Variants in PTPRD observed in about 807,000 individuals in gnomAD.
The protein encoded by PTPRD is receptor-type tyrosine-protein phosphatase delta.
Under a neutral mutation model 214.5 loss-of-function variants are expected in PTPRD, and 34 were observed. That is an observed-to-expected ratio of 0.16 (90% CI 0.12 to 0.21). The LOEUF (loss-of-function observed/expected upper bound fraction) is 0.21. PTPRD is among the 10% of genes least tolerant of loss of function. The pLI is 1.00. For missense variants in PTPRD, 2,545 were observed against 2,398.7 expected (o/e 1.06, Z -1.27); for synonymous variants, 1,128 against 845.7 (o/e 1.33, Z -5.79).
intron 7 of PTPRD, among the ~76,000 whole-genome samples, chr9:9,629,266 T>A (rs1593488888): frequency 7.4e-6 from 1 of 134,942 alleles, no homozygotes; most frequent in Non-Finnish European, 1.6e-5. Flanking sequence ...ATGAACACTT[T>A]ATGTATGTAT....
intron 11 of PTPRD, among the ~76,000 whole-genome samples, chr9:8,998,055 A>AT (rs2099403773): frequency 6.6e-6 from 1 of 152,084 alleles, no homozygotes; most frequent in Non-Finnish European, 1.5e-5. Context: ...TTAAAAAAAA[A>AT]GCTGTCTCCA....
chr9:10,073,033 T>G lies in PTPRD; in HGVS notation c.-544-39243A>C, dbSNP rs573224077. Among the ~76,000 whole-genome samples, 14 of 152,156 alleles carry G rather than the reference T, an allele frequency of 9.2e-5. No homozygotes were observed. In the South Asian group the frequency reaches 2.9e-3, roughly 32 times the overall value. On this transcript the variant is annotated intron_variant, in intron 3 of 45. Transcript: ENST00000381196. ...CTATTAAGCCATACAAAATATCGAT[T>G]AATACATTTTGCTAAGTGAGCCAAA...
intron 30 of PTPRD, among the ~76,000 whole-genome samples, chr9:8,477,132 A>T (rs1033606213): frequency 1.3e-5 from 2 of 152,116 alleles, no homozygotes; most frequent in Non-Finnish European, 2.9e-5. Context: ...AAAAAAAAAA[A>T]AATAAATTGC....
At chr9:8,364,254 C>T (rs1470291341) in intron 39 of PTPRD, among the ~76,000 whole-genome samples, 1 of 152,170 alleles carries the variant, frequency 6.6e-6, no homozygotes, top group Admixed American at 6.5e-5. Flanking sequence ...ATTTACATTA[C>T]GTTAAGAAAT....
intron 9 of PTPRD, among the ~76,000 whole-genome samples, chr9:9,350,093 G>A (rs1341308811): frequency 6.6e-6 from 1 of 152,054 alleles, no homozygotes; most frequent in Non-Finnish European, 1.5e-5. Context: ...AGAGTGGTCA[G>A]AAATCCTTTG....
chr9:10,237,024 C>T (rs1220594947), intron 3 of PTPRD, among the ~76,000 whole-genome samples: 1 of 151,820 alleles, frequency 6.6e-6, no homozygotes, highest in Admixed American at 6.6e-5. Flanking sequence ...TGTCATTATA[C>T]ATTTGTCCAA....
At chr9:9,973,311 A>C (rs1050210902) in intron 4 of PTPRD, among the ~76,000 whole-genome samples, 2 of 151,622 alleles carry the variant, frequency 1.3e-5, no homozygotes, top group Admixed American at 1.3e-4. Flanking sequence ...CAAAAAAAAA[A>C]AAAAAAAAAA....
chr9:9,937,202 G>A (rs1436913546), intron 5 of PTPRD, among the ~76,000 whole-genome samples: 1 of 151,050 alleles, frequency 6.6e-6, no homozygotes, highest in East Asian at 1.9e-4. Context: ...ATGTGCACAT[G>A]TACCCTAAAA....
At chr9:10,181,155 G>C (rs889426968) in intron 3 of PTPRD, among the ~76,000 whole-genome samples, 1 of 151,950 alleles carries the variant, frequency 6.6e-6, no homozygotes, top group Non-Finnish European at 1.5e-5. Context: ...TTTTTATATA[G>C]ACAATTCAGG....
At chr9:9,540,366 T>C (rs2077334769) in intron 8 of PTPRD, among the ~76,000 whole-genome samples, 1 of 151,808 alleles carries the variant, frequency 6.6e-6, no homozygotes, top group South Asian at 2.1e-4. Context: ...GTGTAGTATG[T>C]GTGTGTATGC....
chr9:9,641,738 G>A (rs1437827731), intron 7 of PTPRD, among the ~76,000 whole-genome samples: 1 of 152,126 alleles, frequency 6.6e-6, no homozygotes, highest in Admixed American at 6.6e-5. Context: ...CTAACTGTGG[G>A]TCTGAAGAAA....
intron 2 of PTPRD, among the ~76,000 whole-genome samples, chr9:10,492,056 T>C (rs1369544870): frequency 6.6e-6 from 1 of 152,234 alleles, no homozygotes; most frequent in South Asian, 2.1e-4. Flanking sequence ...TTGTTTTTTA[T>C]GGCTGCATAG....
At chr9:8,782,628 C>T (rs983887576) in intron 11 of PTPRD, among the ~76,000 whole-genome samples, 15 of 146,112 alleles carry the variant, frequency 1.0e-4, no homozygotes, top group South Asian at 2.2e-4. Flanking sequence ...GACGGAGTCT[C>T]GCCCCGTTGC....
chr9:9,404,015 A>G (rs926653446), intron 8 of PTPRD, among the ~76,000 whole-genome samples: 6 of 152,228 alleles, frequency 3.9e-5, no homozygotes, highest in Admixed American at 6.5e-5. Context: ...ATGTAAAGGA[A>G]CAGTTAGTAC....
At chr9:10,038,037 T>C (rs561513365) in intron 3 of PTPRD, among the ~76,000 whole-genome samples, 2 of 152,266 alleles carry the variant, frequency 1.3e-5, no homozygotes, top group African/African-American at 4.8e-5. Context: ...ATGACCCTCA[T>C]ATTTATAATT....
intron 8 of PTPRD, among the ~76,000 whole-genome samples, chr9:9,457,213 T>C (rs1456563089): frequency 6.6e-6 from 1 of 151,938 alleles, no homozygotes; most frequent in Non-Finnish European, 1.5e-5. Context: ...CTTATTAACA[T>C]GAAGTTCCAT....
At chr9:8,625,869 T>TAA (rs77897424) in intron 14 of PTPRD, among the ~76,000 whole-genome samples, 2 of 139,890 alleles carry the variant, frequency 1.4e-5, no homozygotes, top group African/African-American at 2.6e-5. Context: ...GCCCAGTAGT[T>TAA]AAAAAAAAAA....
intron 12 of PTPRD, among the ~76,000 whole-genome samples, chr9:8,669,841 TG>T (rs2097246554): frequency 6.6e-6 from 1 of 152,134 alleles, no homozygotes; most frequent in South Asian, 2.1e-4. Flanking sequence ...TGTGAAGGTT[TG>T]AAGCTAGAGA....
At chr9:8,673,180 A>G (rs938624203) in intron 12 of PTPRD, among the ~76,000 whole-genome samples, 12 of 151,598 alleles carry the variant, frequency 7.9e-5, no homozygotes, top group African/African-American at 2.9e-4. Context: ...ATTTTTCTCT[A>G]TGAAACACAG....
Sources: allele counts gnomAD v4.1 joint callset (sites outside exome capture counted in the v4.1 genomes callset), GRCh38; gene constraint gnomAD v4.1.1; transcripts MANE v1.5; gene names NCBI Gene and HGNC (gene_info 2026-07-23, HGNC 2026-07-21).